The following UBA6 variants were observed in gnomAD, a reference collection of about 807,000 sequenced individuals.
UBA6 encodes ubiquitin-like modifier-activating enzyme 6.
Under a neutral mutation model 148.3 loss-of-function variants are expected in UBA6, and 87 were observed. The observed-to-expected ratio is 0.59, with a 90% confidence interval of 0.49 to 0.70. The LOEUF is 0.70. Among genes scored for constraint, UBA6 ranks in the 30% least tolerant of loss-of-function variants. The pLI is 0.00. For missense variants in UBA6, 1,186 were observed against 1,241.2 expected, an observed-to-expected ratio of 0.96 and a Z score of 0.67; for synonymous variants, 376 against 401.0, an observed-to-expected ratio of 0.94 and a Z score of 0.75.
chr4:67,700,216 C>T (rs1730944321), intron 1 of UBA6, among the ~76,000 whole-genome samples: 1 of 152,200 alleles, frequency 6.6e-6, no homozygotes, highest in Non-Finnish European at 1.5e-5. Flanking sequence ...GCAGACAACA[C>T]CATGAAACTG....
chr4:67,696,219 C>G (rs1730829286), intron 2 of UBA6, among the ~76,000 whole-genome samples: 1 of 152,052 alleles, frequency 6.6e-6, no homozygotes, highest in Non-Finnish European at 1.5e-5. Flanking sequence ...CTATCAAGAA[C>G]TTAAATACGT....
intron 28 of UBA6, among the ~76,000 whole-genome samples, chr4:67,625,402 A>G (rs555563546): frequency 2.6e-5 from 4 of 151,840 alleles, no homozygotes; most frequent in Admixed American, 2.6e-4. Context: ...TAATTAAAAA[A>G]AAAAAAACGA....
chr4:67,695,933 A>G (rs1367572617), intron 2 of UBA6, among the ~76,000 whole-genome samples: 1 of 152,182 alleles, frequency 6.6e-6, no homozygotes, highest in Admixed American at 6.5e-5. Context: ...ATGAAAAAGT[A>G]TAGTTTAAAA....
In UBA6 at chr4:67,629,158, T is replaced by G. The variant is rs1728940215; in HGVS notation, c.2329-16A>C. ...CTGATAAGTCCTGTTTTTAAAAAAG[T>G]AATTTTACCAACAAACATATTCTTC... On this transcript the variant is annotated splice_polypyrimidine_tract_variant and intron_variant, in intron 26 of 32. Coordinates refer to ENST00000322244, the MANE Select transcript of UBA6 (RefSeq NM_018227.6). 1 of 1,531,590 alleles carries G rather than the reference T, an allele frequency of 6.5e-7. No homozygotes were observed. The highest frequency in any genetic ancestry group is 1.4e-5 in the African/African-American group (1 of 73,300). The allele number at this position is 1,531,590 out of a possible 1,614,324, so 94.9% of individuals were successfully genotyped here.
chr4:67,669,329 G>A (rs1375521264), intron 8 of UBA6, among the ~76,000 whole-genome samples: 2 of 152,128 alleles, frequency 1.3e-5, no homozygotes, highest in African/African-American at 2.4e-5. Context: ...ATCACTCTTT[G>A]AGCAGAAAGA....
At chr4:67,676,659 T>G (rs1310141269) in intron 6 of UBA6, among the ~76,000 whole-genome samples, 1 of 152,210 alleles carries the variant, frequency 6.6e-6, no homozygotes, top group African/African-American at 2.4e-5. Flanking sequence ...TTGGTTACTG[T>G]GACAGGCAAC....
In UBA6 at chr4:67,643,048, T is replaced by C. The variant is rs971631886; in HGVS notation, c.1476+1650A>G. Among the ~76,000 whole-genome samples, 46 of 151,938 alleles carry C rather than the reference T, an allele frequency of 3.0e-4. 1 individual carries two copies. Among genetic ancestry groups the C allele is most frequent in the Non-Finnish European group, 6.8e-4 (46 of 67,872 alleles). The stretch of plus-strand genomic sequence containing the variant: ...ATGTAAAAATTTCAGTGCCTTTTTT[T>C]CCCGTTTCTAGCTCTCTTTATCTCT... On this transcript the variant is annotated intron_variant, in intron 17 of 32. Coordinates refer to ENST00000322244, the MANE Select transcript of UBA6 (RefSeq NM_018227.6).
At chr4:67,649,870 A>G (rs1729510937) in intron 13 of UBA6, among the ~76,000 whole-genome samples, 1 of 152,156 alleles carries the variant, frequency 6.6e-6, no homozygotes, top group Non-Finnish European at 1.5e-5. Flanking sequence ...TATTCTTTAA[A>G]CATTAGTAAT....
In UBA6 at chr4:67,626,429, T is replaced by A. The variant is rs1332369831; in HGVS notation, c.2449A>T (p.Ser817Cys). 6.2e-7 allele frequency: 1 copy of A among 1,611,648 alleles called. No homozygotes were observed. The highest frequency in any genetic ancestry group is 2.2e-5 in the East Asian group (1 of 44,700). ...TARKPDHVPI[S>C]SEDERNAIFQ... ...ATTGCATTCCTCTCATCTTCACTGC[T>A]AATAGGAACATGGTCTGGTTTCCTT... Residue 817 changes from serine (S) to cysteine (C), a missense_variant, in exon 28 of 33, where the codon AGC (serine) becomes TGC (cysteine). Transcript: ENST00000322244.
At chr4:67,662,501 G>C in intron 12 of UBA6, 1 of 358,070 alleles carries the variant, frequency 2.8e-6, no homozygotes, top group African/African-American at 2.2e-5. Flanking sequence ...CAGTCTCACT[G>C]TCACCCAGGC....
At chr4:67,676,331 C>G (rs1730280530) in intron 6 of UBA6, among the ~76,000 whole-genome samples, 4 of 152,130 alleles carry the variant, frequency 2.6e-5, no homozygotes, top group African/African-American at 9.7e-5. Flanking sequence ...GCCTATAGTA[C>G]TACTTTTTAC....
chr4:67,674,697 T>C (rs75034924), intron 6 of UBA6, among the ~76,000 whole-genome samples: 1 of 152,176 alleles, frequency 6.6e-6, no homozygotes, highest in Non-Finnish European at 1.5e-5. Flanking sequence ...CCATCACATA[T>C]TGAATCTGAT....
intron 2 of UBA6, among the ~76,000 whole-genome samples, chr4:67,694,059 T>C (rs913815297): frequency 6.6e-6 from 1 of 150,758 alleles, no homozygotes; most frequent in Non-Finnish European, 1.5e-5. Flanking sequence ...CTAAAAAAAA[T>C]ACAAAAATTA....
chr4:67,694,454 C>T (rs1388020451), intron 2 of UBA6, among the ~76,000 whole-genome samples: 1 of 151,220 alleles, frequency 6.6e-6, no homozygotes, highest in African/African-American at 2.4e-5. Flanking sequence ...CACAGTGGTG[C>T]CATCTCAGCT....
chr4:67,655,968 ACCCT>A (rs1729679406), intron 13 of UBA6, among the ~76,000 whole-genome samples: 1 of 152,140 alleles, frequency 6.6e-6, no homozygotes, highest in Admixed American at 6.6e-5. Flanking sequence ...GGACACATAC[ACCCT>A]CCCAAGACTA....
At chr4:67,686,694 G>A (rs983003031) in intron 2 of UBA6, among the ~76,000 whole-genome samples, 8 of 151,944 alleles carry the variant, frequency 5.3e-5, no homozygotes, top group African/African-American at 1.9e-4. Flanking sequence ...GCTCACACCT[G>A]TAATCCCAGC....
At chr4:67,638,082 G>A (rs931483230) in intron 19 of UBA6, 2 of 152,358 alleles carry the variant, frequency 1.3e-5, no homozygotes, top group African/African-American at 4.8e-5. Context: ...AACTTCCTGA[G>A]GCTGAAGAAT....
At chr4:67,673,660 T>A in intron 7 of UBA6, 37 bp downstream of exon 7, 1 of 1,441,514 alleles carries the variant, frequency 6.9e-7, no homozygotes, top group South Asian at 1.2e-5. Flanking sequence ...TGTTCTTCCT[T>A]GGTTAACTAC....
intron 4 of UBA6, among the ~76,000 whole-genome samples, chr4:67,679,554 TAAATTTTTTTCAATA>T (rs1271884343): frequency 6.6e-6 from 1 of 152,122 alleles, no homozygotes; most frequent in African/African-American, 2.4e-5. Flanking sequence ...CAAAAAACTC[TAAATTTTTTTCAATA>T]ATACATTATT....
Sources: gnomAD v4.1 joint callset for allele counts (sites outside exome capture counted in the v4.1 genomes callset) on GRCh38, gnomAD v4.1.1 for gene constraint, MANE v1.5 for transcripts, NCBI Gene and HGNC (gene_info 2026-07-23, HGNC 2026-07-21) for gene names.